The following MEF2C variants were observed in gnomAD, a reference collection of about 807,000 sequenced individuals.
MEF2C encodes myocyte enhancer factor 2C.
MEF2C carries 6 observed loss-of-function variants against 50.5 expected under a neutral mutation model. The ratio of observed to expected loss-of-function variants is 0.12; its 90% confidence interval spans 0.07 to 0.23. The LOEUF is 0.23. MEF2C is among the 10% of genes least tolerant of loss of function. MEF2C has a pLI of 1.00. For missense variants in MEF2C, 276 were observed against 605.0 expected (o/e 0.46, Z 5.70); for synonymous variants, 183 against 228.0 (o/e 0.80, Z 1.78).
chr5:88,817,862 A>G (rs577434140), intron 2 of MEF2C: 1 of 152,082 alleles, frequency 6.6e-6, no homozygotes, highest in African/African-American at 2.4e-5. Context: ...CATACAAGTA[A>G]ATAGGTTTAG....
At chr5:88,851,681 C>T (rs777508412) in intron 1 of MEF2C, among the ~76,000 whole-genome samples, 41 of 152,040 alleles carry the variant, frequency 2.7e-4, no homozygotes, top group African/African-American at 6.7e-4. Flanking sequence ...GATGATAAGT[C>T]GGCTAACTTA....
chr5:88,750,241 TTG>T, intron 5 of MEF2C: 1 of 285,574 alleles, frequency 3.5e-6, no homozygotes, highest in Non-Finnish European at 5.2e-6. Context: ...GCTTGCTCTG[TTG>T]CCCAGGCTGG....
chr5:88,897,758 A>C (rs1835264746), intron 1 of MEF2C, among the ~76,000 whole-genome samples: 1 of 152,168 alleles, frequency 6.6e-6, no homozygotes, highest in Admixed American at 6.6e-5. Flanking sequence ...TTGTGTGCAT[A>C]TGCTCCCTTT....
At chr5:88,755,122 T>A (rs1334135470) in intron 4 of MEF2C, among the ~76,000 whole-genome samples, 1 of 152,214 alleles carries the variant, frequency 6.6e-6, no homozygotes, top group Non-Finnish European at 1.5e-5. Context: ...GCCCTTTTGC[T>A]GTGAGGCAAT....
At chr5:88,865,424 G>A (rs1826972549) in intron 1 of MEF2C, among the ~76,000 whole-genome samples, 1 of 152,074 alleles carries the variant, frequency 6.6e-6, no homozygotes, top group Non-Finnish European at 1.5e-5. Context: ...TTGAAGTGCA[G>A]TATTAGCTAC....
intron 1 of MEF2C, among the ~76,000 whole-genome samples, chr5:88,894,135 T>C (rs1419993799): frequency 6.6e-6 from 1 of 152,250 alleles, no homozygotes; most frequent in African/African-American, 2.4e-5. Context: ...TTATAAACTT[T>C]TGTTTCCTTT....
At chr5:88,840,265 C>CT (rs1816843066) in intron 1 of MEF2C, among the ~76,000 whole-genome samples, 1 of 152,200 alleles carries the variant, frequency 6.6e-6, no homozygotes, top group African/African-American at 2.4e-5. Context: ...GTCCACTCCT[C>CT]TTGTTCTGTC....
rs988009159 is a variant in MEF2C, at chr5:88,780,939, A to C, written c.259-19611T>G. The C allele has an allele frequency of 1.3e-4, 132 of 985,314 alleles. No individual in the cohort carries two copies. The African/African-American group carries it at 2.1e-3, about 15-fold the overall frequency. The allele number at this position is 985,314 out of a possible 1,614,324, so 61.0% of individuals were successfully genotyped here. ...AGTAGTTCAAAGGGGACACCAGGAA[A>C]TAAATTATATCCTAATGCTATCTAC... On this transcript the variant is annotated intron_variant, in intron 3 of 10. Transcript: ENST00000504921.
At chr5:88,891,698 C>T (rs1834596559) in intron 1 of MEF2C, among the ~76,000 whole-genome samples, 1 of 152,188 alleles carries the variant, frequency 6.6e-6, no homozygotes, top group South Asian at 2.1e-4. Flanking sequence ...GCGTGAACCA[C>T]TGCACCCGGC....
chr5:88,797,866 C>T (rs934533805), intron 3 of MEF2C, among the ~76,000 whole-genome samples: 4 of 152,162 alleles, frequency 2.6e-5, no homozygotes, highest in Non-Finnish European at 5.9e-5. Flanking sequence ...TCAGTATTCG[C>T]TTGTCTGTAA....
At chr5:88,761,756 C>T (rs764220300) in intron 3 of MEF2C, 37 of 167,142 alleles carry the variant, frequency 2.2e-4, no homozygotes, top group Non-Finnish European at 4.0e-4. Context: ...GGAAACAGAT[C>T]CAAGTGTGAA....
chr5:88,735,138 C>T (rs1356968146), intron 6 of MEF2C: 9 of 985,276 alleles, frequency 9.1e-6, no homozygotes, highest in African/African-American at 1.7e-5. Flanking sequence ...TGAATACATG[C>T]GTGTGGTTTA....
At chr5:88,855,580 C>T (rs888558155) in intron 1 of MEF2C, among the ~76,000 whole-genome samples, 7 of 152,300 alleles carry the variant, frequency 4.6e-5, no homozygotes, top group Middle Eastern at 6.8e-3. Flanking sequence ...ATAATCTCCA[C>T]GTGTCATGGG....
At chr5:88,878,387 AC>A (rs1831764575) in intron 1 of MEF2C, among the ~76,000 whole-genome samples, 1 of 151,950 alleles carries the variant, frequency 6.6e-6, no homozygotes, top group Non-Finnish European at 1.5e-5. Context: ...TGGATAAAAA[AC>A]ATTTAGAAAC....
In MEF2C at chr5:88,728,641, A is replaced by T. The variant is rs1759977066; in HGVS notation, c.965-13T>A. ...CTCAGAGAGTACTCTAGATTAAAGA[A>T]TAAAACAACAAGGGAAAATATTAAA... is the stretch of plus-strand genomic sequence containing the variant. On this transcript the variant is annotated splice_polypyrimidine_tract_variant and intron_variant, in intron 9 of 10. Coordinates refer to ENST00000504921, the MANE Select transcript of MEF2C (RefSeq NM_002397.5). 5.9e-6 allele frequency: 8 copies of T among 1,367,164 alleles called. No individual in the cohort carries two copies. The highest frequency in any genetic ancestry group is 7.6e-6 in the Non-Finnish European group (8 of 1,049,514). The allele number at this position is 1,367,164 out of a possible 1,614,324, so 84.7% of individuals were successfully genotyped here. A position where few individuals can be genotyped will look rare whatever the true frequency, so the allele number is the denominator to read the frequency against.
chr5:88,737,832 G>C (rs1281489330), intron 6 of MEF2C: 5 of 985,240 alleles, frequency 5.1e-6, no homozygotes, highest in Non-Finnish European at 6.0e-6. Flanking sequence ...ACTTTACACT[G>C]TAGGCTTTAT....
chr5:88,862,383 G>A (rs1309511516), intron 1 of MEF2C, among the ~76,000 whole-genome samples: 3 of 152,028 alleles, frequency 2.0e-5, no homozygotes, highest in African/African-American at 7.2e-5. Flanking sequence ...TTAGTTTCTC[G>A]TATTCTACGT....
chr5:88,870,886 G>C (rs1829304426), intron 1 of MEF2C, among the ~76,000 whole-genome samples: 1 of 151,934 alleles, frequency 6.6e-6, no homozygotes, highest in Admixed American at 6.6e-5. Context: ...GAATTATGTG[G>C]GTATTGTATT....
chr5:88,859,427 G>C (rs1259284449), intron 1 of MEF2C, among the ~76,000 whole-genome samples: 1 of 152,214 alleles, frequency 6.6e-6, no homozygotes, highest in Non-Finnish European at 1.5e-5. Context: ...ATGTAGCACA[G>C]ATTAGGCTTT....
Sources: gnomAD v4.1 joint callset for allele counts (sites outside exome capture counted in the v4.1 genomes callset) on GRCh38, gnomAD v4.1.1 for gene constraint, MANE v1.5 for transcripts, NCBI Gene and HGNC (gene_info 2026-07-23, HGNC 2026-07-21) for gene names.